Variants in FMR1 observed in about 807,000 individuals in gnomAD.
The protein encoded by FMR1 is FMRP translational regulator 1.
A neutral mutation model predicts 50.6 loss-of-function variants in FMR1; 13 were observed. That is an observed-to-expected ratio of 0.26 (90% confidence interval 0.17 to 0.41). The LOEUF (loss-of-function observed/expected upper bound fraction) is 0.41. Among genes scored for constraint, FMR1 ranks in the 10% least tolerant of loss-of-function variants. The pLI, the probability that FMR1 is intolerant of heterozygous loss-of-function variation, is 1.00. For synonymous variants in FMR1, 138 were observed against 164.1 expected (o/e 0.84, Z 1.22); for missense variants, 316 against 491.3 (o/e 0.64, Z 3.37).
Position 147,912,078 on chromosome X carries a change from CGGA to C in FMR1, c.-99_-97del, listed in dbSNP as rs1302149259. On this transcript the variant is annotated 5_prime_UTR_variant, in exon 1 of 17. Coordinates refer to ENST00000370475, the MANE Select transcript of FMR1 (RefSeq NM_002024.6). ...GCGGCGGCGGCGGCGGCGGCGGCGGCGGAGGCGGCGGCGGCGGCGGCGGCGGCG... is the reference window on the plus strand; with the variant it reads ...GCGGCGGCGGCGGCGGCGGCGGCGGCGGCGGCGGCGGCGGCGGCGGCGGCG... 1.2e-3 allele frequency: 366 copies of C among 296,804 alleles called. 23 individuals carry two copies. Among genetic ancestry groups the C allele is most frequent in the Non-Finnish European group, 1.4e-3 (335 of 237,673 alleles). 24.5% of individuals were successfully genotyped at this position (296,804 alleles called of 1,213,427 possible). A position where few individuals can be genotyped will look rare whatever the true frequency, so the allele number is the denominator to read the frequency against.
rs2043968908 is a variant in FMR1, at chrX:147,940,583, T to C, written c.1196T>C (p.Val399Ala). The change falls in exon 13 of 17, where the codon GTA (valine) becomes GCA (alanine). Residue 399 changes from valine (V) to alanine (A), a missense_variant. Physicochemically the swap from Val to Ala is moderately conservative, Grantham distance 64 (BLOSUM62 0). This residue lies in a region of FMR1 where 15 missense variants were observed against 40.9 expected (regional missense o/e 0.37). Coordinates refer to ENST00000370475, the MANE Select transcript of FMR1 (RefSeq NM_002024.6). ...KPELKAWQGM[V>A]PFVFVGTKDS... ...TTGCAATTTCTTTTTCAGGGTATGG[T>C]ACCATTTGTTTTTGTGGGAACAAAG... 8.5e-7 allele frequency: 1 copy of C among 1,183,417 alleles called. No individual in the cohort carries two copies. Among genetic ancestry groups the C allele is most frequent in the Non-Finnish European group, 1.1e-6 (1 of 870,797 alleles).
rs1177148347 is a variant in FMR1 at position 147,911,919 on chromosome X, C to T, written c.-261C>T. 2 of 111,619 alleles carry T rather than the reference C, an allele frequency of 1.8e-5. No homozygotes were observed. The highest frequency in any genetic ancestry group is 3.8e-5 in the Non-Finnish European group (2 of 52,733). The allele number at this position is 111,619 out of a possible 1,213,427, so 9.2% of individuals were successfully genotyped here. On this transcript the variant is annotated 5_prime_UTR_variant, in exon 1 of 17. Transcript: ENST00000370475. Reference sequence around the variant, plus strand: ...ACCCGCAGCGGGCCGGGGGTTCGGCCTCAGTCAGGCGCTCAGCTCCGTTTC... The same window carrying T: ...ACCCGCAGCGGGCCGGGGGTTCGGCTTCAGTCAGGCGCTCAGCTCCGTTTC...
rs782373736 is a variant in FMR1, at chrX:147,930,363, G to A, written c.630+119G>A. On this transcript the variant is annotated intron_variant, in intron 7 of 16. Transcript: ENST00000370475. ...TTACTGCTTCTTAACAATTCCTTAG[G>A]TTCTATAGTTGGAAAATTGTACAAA... The A allele has an allele frequency of 2.0e-4, 111 of 548,221 alleles. No individual in the cohort carries two copies. In the South Asian group the frequency reaches 2.7e-3, roughly 13 times the overall value. 45.2% of individuals were successfully genotyped at this position (548,221 alleles called of 1,213,427 possible). A position where few individuals can be genotyped will look rare whatever the true frequency, so the allele number is the denominator to read the frequency against.
intron 16 of FMR1, chrX:147,948,348 C>A: frequency 1.7e-6 from 1 of 586,001 alleles, no homozygotes; most frequent in Non-Finnish European, 2.2e-6. Flanking sequence ...GCATGTATGT[C>A]TTCTGGTAAT....
intron 9 of FMR1, 24 bp downstream of exon 9, chrX:147,932,787 A>G (rs1557178979): frequency 9.8e-7 from 1 of 1,022,805 alleles, no homozygotes; most frequent in Non-Finnish European, 1.4e-6. Flanking sequence ...ATCTGTTGAC[A>G]TATAGTACAA....
At chrX:147,931,882 G>A (rs1314817923) in intron 7 of FMR1, among the ~76,000 whole-genome samples, 6 of 111,457 alleles carry the variant, frequency 5.4e-5, no homozygotes, top group Non-Finnish European at 1.1e-4. Flanking sequence ...TTTGAGGGAG[G>A]TGTCATTTTA....
intron 1 of FMR1, among the ~76,000 whole-genome samples, chrX:147,916,732 GTTTGTTTCTTTGTTTC>G (rs1189549509): frequency 1.9e-5 from 2 of 106,607 alleles, no homozygotes; most frequent in Non-Finnish European, 3.9e-5. Context: ...TGTTTCTTTA[GTTTGTTTCTTTGTTTC>G]TTTGTTTCTT....
At position 147,925,407 on chromosome X, in the gene FMR1, G is replaced by T. The variant is rs113550657; in HGVS notation, c.105-133G>T. ...TATGTCCCACTCAGCAAAAACTGAT[G>T]ATTTTAAAGCTTTTGCTTCTTGAAA... On this transcript the variant is annotated intron_variant, in intron 2 of 16. Transcript: ENST00000370475. 3,575 of 545,770 alleles carry T rather than the reference G, an allele frequency of 6.6e-3. 98 individuals are homozygous for T. In the African/African-American group the frequency reaches 0.07, roughly 11 times the overall value. 45.0% of individuals were successfully genotyped at this position (545,770 alleles called of 1,213,427 possible).
Position 147,944,896 on chromosome X carries a change from C to A in FMR1, c.1499C>A (p.Ser500Tyr). 1 of 1,207,305 alleles carries A rather than the reference C, an allele frequency of 8.3e-7. No homozygotes were observed. The highest frequency in any genetic ancestry group is 1.8e-5 in the South Asian group (1 of 56,551). The change falls in exon 15 of 17, where the codon TCT becomes TAT. Residue 500 changes from serine (S) to tyrosine (Y), a missense_variant. Transcript: ENST00000370475. ...SGTNSEASNA[S>Y]ETESDHRDEL... ...ACTAATTCTGAAGCATCAAATGCTT[C>A]TGAAACAGAATCTGACCACAGAGAC...
intron 13 of FMR1, among the ~76,000 whole-genome samples, chrX:147,941,915 T>A (rs1006236114): frequency 6.2e-5 from 7 of 112,786 alleles, no homozygotes; most frequent in Admixed American, 5.6e-4. Flanking sequence ...GCCTGGCATC[T>A]CTCACCAAAA....
chrX:147,939,536 C>T (rs1305339898), intron 12 of FMR1, among the ~76,000 whole-genome samples: 1 of 111,229 alleles, frequency 9.0e-6, no homozygotes, highest in African/African-American at 3.3e-5. Flanking sequence ...ACTCTATTTA[C>T]TTGGTTAGCA....
chrX:147,944,596 A>G (rs1603036903), intron 14 of FMR1: 2 of 978,537 alleles, frequency 2.0e-6, no homozygotes, highest in East Asian at 9.2e-5. Flanking sequence ...GATATGGCAC[A>G]TCAAGGTTTG....
Position 147,916,290 on chromosome X carries a change from T to A in FMR1, c.51+4060T>A, listed in dbSNP as rs782084110. On this transcript the variant is annotated intron_variant, in intron 1 of 16. Coordinates refer to ENST00000370475, the MANE Select transcript of FMR1 (RefSeq NM_002024.6). ...TGCACATGTCTCTGTTGTCTTTTGGTCAGAGTGAAGCTAAATGTGTTTTTC... is the reference window on the plus strand; with the variant it reads ...TGCACATGTCTCTGTTGTCTTTTGGACAGAGTGAAGCTAAATGTGTTTTTC... Among the ~76,000 whole-genome samples the A allele has an allele frequency of 2.1e-4, 24 of 112,593 alleles. No individual in the cohort carries two copies. In the East Asian group the frequency reaches 5.6e-3, roughly 26 times the overall value.
chrX:147,918,555 C>CTTGTT (rs2042991955), intron 1 of FMR1, among the ~76,000 whole-genome samples: 1 of 47,277 alleles, frequency 2.1e-5, no homozygotes, highest in Non-Finnish European at 3.2e-5. Flanking sequence ...CCTGCAAAAG[C>CTTGTT]TTTTTTTTTT....
At chrX:147,912,731 T>G (rs1482972459) in intron 1 of FMR1, 1 of 296,523 alleles carries the variant, frequency 3.4e-6, no homozygotes, top group African/African-American at 2.7e-5. Flanking sequence ...GGTCTAGCAT[T>G]GGGACTTCGG....
intron 9 of FMR1, chrX:147,933,799 C>T (rs919459662): frequency 8.7e-6 from 2 of 229,660 alleles, no homozygotes; most frequent in South Asian, 2.1e-4. Flanking sequence ...ATTCTGTTTA[C>T]GTAGTTTCAA....
At chrX:147,943,355 T>G in intron 14 of FMR1, 29 bp downstream of exon 14, 3 of 1,123,096 alleles carry the variant, frequency 2.7e-6, no homozygotes, top group Non-Finnish European at 3.7e-6. Flanking sequence ...ACTCAGTAAC[T>G]TTATCTGTTC....
At chrX:147,924,467 T>TTGTGTG (rs3999731) in intron 2 of FMR1, among the ~76,000 whole-genome samples, 920 of 91,066 alleles carry the variant, frequency 0.01, 11 homozygotes, top group African/African-American at 0.029. Flanking sequence ...AGTATTTTAT[T>TTGTGTG]TGTGTGTGTG....
At chrX:147,931,189 T>C (rs782112185) in intron 7 of FMR1, among the ~76,000 whole-genome samples, 3 of 112,095 alleles carry the variant, frequency 2.7e-5, no homozygotes, top group African/African-American at 9.7e-5. Flanking sequence ...CTCATAACTT[T>C]TAGCCCAGAG....
Sources: allele counts gnomAD v4.1 joint callset (sites outside exome capture counted in the v4.1 genomes callset), GRCh38; gene constraint gnomAD v4.1.1; regional missense constraint gnomAD v4.1.1; transcripts MANE v1.5; gene names NCBI Gene and HGNC (gene_info 2026-07-23, HGNC 2026-07-21).